Variants in FANCB observed in about 807,000 individuals in gnomAD.
FANCB encodes the protein Fanconi anemia group B protein.
Under a neutral mutation model 38.9 loss-of-function variants are expected in FANCB, and 5 were observed. That is an observed-to-expected ratio of 0.13 (90% confidence interval 0.07 to 0.27). The LOEUF (loss-of-function observed/expected upper bound fraction) is 0.27. Among genes scored for constraint, FANCB ranks in the 10% least tolerant of loss-of-function variants. The probability of loss-of-function intolerance (pLI) is 1.00; values close to 1 mark genes in which losing one functional copy is unlikely to be tolerated. For synonymous variants in FANCB, 236 were observed against 215.4 expected (o/e 1.10, Z -0.84); for missense variants, 573 against 602.7 (o/e 0.95, Z 0.52).
At chrX:14,797,224 G>A in the FANCB span, among the ~76,000 whole-genome samples, 3 of 111,942 alleles carry the variant, frequency 2.7e-5, no homozygotes, top group Non-Finnish European at 5.6e-5. Flanking sequence ...TCAGATCTTT[G>A]CAAGGTAGGA....
At chrX:14,693,480 T>C in the FANCB span, among the ~76,000 whole-genome samples, 1 of 111,588 alleles carries the variant, frequency 9.0e-6, no homozygotes, top group Non-Finnish European at 1.9e-5. Flanking sequence ...CAAGTTTAAA[T>C]TGACAGATAT....
At chrX:14,834,018 A>G (rs942393983), downstream of FANCB, among the ~76,000 whole-genome samples, 1 of 108,707 alleles carries the variant, frequency 9.2e-6, no homozygotes, top group Non-Finnish European at 1.9e-5. Flanking sequence ...AACGACAACA[A>G]AAAAATCACC....
rs1220308530 is a variant in FANCB, at chrX:14,844,711, C to T, written c.1957G>A (p.Ala653Thr). 13 of 1,209,983 alleles carry T rather than the reference C, an allele frequency of 1.1e-5. No individual in the cohort carries two copies. The highest frequency in any genetic ancestry group is 1.5e-5 in the Non-Finnish European group (13 of 893,938). Reference sequence around the variant, plus strand: ...TGAAAACAAGATTTATGGAATGCTGCAAGAAGTGCAAAAAGATCTTCCATG... The same window carrying T: ...TGAAAACAAGATTTATGGAATGCTGTAAGAAGTGCAAAAAGATCTTCCATG... ...EHMEDLFALLAAFHKSCFQIT... is the reference protein window; with the variant it reads ...EHMEDLFALLTAFHKSCFQIT... Residue 653 changes from alanine (A) to threonine (T), a missense_variant, in exon 9 of 10, where the codon GCA (alanine) becomes ACA (threonine). Physicochemically the swap from Ala to Thr is moderately conservative, Grantham distance 58 (BLOSUM62 0). Transcript: ENST00000650831.
At chrX:14,803,831 A>T in the FANCB span, among the ~76,000 whole-genome samples, 2 of 112,005 alleles carry the variant, frequency 1.8e-5, no homozygotes, top group Admixed American at 1.9e-4. Flanking sequence ...AAGGATATGA[A>T]CAGACACTTC....
rs939684939 is a variant in FANCB at position 14,847,557 on chromosome X, G to T, written c.1497-2271C>A. ...GGAGACAGATACTAGAGAAAGTAAG[G>T]AAGCATCAGTATCTTGAGAATTAAG... On this transcript the variant is annotated intron_variant, in intron 7 of 9. Transcript: ENST00000650831. Among the ~76,000 whole-genome samples the T allele has an allele frequency of 3.6e-5, 4 of 110,100 alleles. No individual in the cohort carries two copies. The Admixed American group carries it at 3.9e-4, about 11-fold the overall frequency.
At chrX:14,745,944 C>T in the FANCB span, among the ~76,000 whole-genome samples, 3,864 of 109,658 alleles carry the variant, frequency 0.035, 141 homozygotes, top group African/African-American at 0.11. Context: ...TCGTGATCTG[C>T]CCACCTTGGC....
chrX:14,770,922 G>T, the FANCB span, among the ~76,000 whole-genome samples: 1 of 111,768 alleles, frequency 8.9e-6, no homozygotes, highest in Non-Finnish European at 1.9e-5. Flanking sequence ...GAAATTTTGG[G>T]TTGGAAATTC....
At chrX:14,736,963 T>A in the FANCB span, among the ~76,000 whole-genome samples, 1 of 110,956 alleles carries the variant, frequency 9.0e-6, no homozygotes, top group Non-Finnish European at 1.9e-5. Context: ...AAGACCATCC[T>A]GGCCAACATG....
At chrX:14,708,910 TG>T in the FANCB span, among the ~76,000 whole-genome samples, 1 of 109,548 alleles carries the variant, frequency 9.1e-6, no homozygotes, top group Non-Finnish European at 1.9e-5. Flanking sequence ...CACTCTAGTC[TG>T]GGCAACAAGA....
At chrX:14,762,730 A>C in the FANCB span, among the ~76,000 whole-genome samples, 1 of 112,022 alleles carries the variant, frequency 8.9e-6, no homozygotes, top group African/African-American at 3.2e-5. Context: ...CCTTTACTTC[A>C]GAAACCAACA....
At chrX:14,751,955 G>A in the FANCB span, among the ~76,000 whole-genome samples, 1 of 111,695 alleles carries the variant, frequency 9.0e-6, no homozygotes, top group Admixed American at 9.5e-5. Context: ...TTCCCTATGG[G>A]CAATCCACTA....
the FANCB span, among the ~76,000 whole-genome samples, chrX:14,719,070 G>A: frequency 9.0e-6 from 1 of 111,684 alleles, no homozygotes; most frequent in African/African-American, 3.3e-5. Context: ...TCCCTCCCAC[G>A]TGCAAAATAT....
At chrX:14,709,712 T>C in the FANCB span, among the ~76,000 whole-genome samples, 2 of 111,880 alleles carry the variant, frequency 1.8e-5, no homozygotes, top group East Asian at 5.6e-4. Flanking sequence ...TCTGGTTCAC[T>C]CTGCTGCTTT....
chrX:14,861,304 GCT>G (rs2092445851), intron 3 of FANCB, among the ~76,000 whole-genome samples: 1 of 112,252 alleles, frequency 8.9e-6, no homozygotes, highest in African/African-American at 3.2e-5. Context: ...TTTAGATTCA[GCT>G]CTGTTTCAAG....
the FANCB span, among the ~76,000 whole-genome samples, chrX:14,804,184 C>T: frequency 8.9e-6 from 1 of 111,928 alleles, no homozygotes; most frequent in African/African-American, 3.3e-5. Context: ...CACATGCACA[C>T]ATATGTTTAT....
chrX:14,717,727 T>C, the FANCB span, among the ~76,000 whole-genome samples: 1 of 98,483 alleles, frequency 1.0e-5, no homozygotes, highest in African/African-American at 3.7e-5. Context: ...AACTGGAAGA[T>C]CCTTCTGTAA....
the FANCB span, among the ~76,000 whole-genome samples, chrX:14,753,260 C>T: frequency 9.0e-6 from 1 of 111,613 alleles, no homozygotes. Flanking sequence ...AAGATCCAAT[C>T]CAGTATGACA....
chrX:14,809,090 T>G, the FANCB span, among the ~76,000 whole-genome samples: 1 of 112,306 alleles, frequency 8.9e-6, no homozygotes. Flanking sequence ...GAATTAATAT[T>G]GTTAAAGTAT....
At chrX:14,759,899 A>G in the FANCB span, among the ~76,000 whole-genome samples, 2 of 111,884 alleles carry the variant, frequency 1.8e-5, no homozygotes, top group African/African-American at 6.5e-5. Context: ...CCTCATATTC[A>G]GCCAAACTAA....
Sources: allele counts gnomAD v4.1 joint callset (sites outside exome capture counted in the v4.1 genomes callset), GRCh38; gene constraint gnomAD v4.1.1; transcripts MANE v1.5; gene names NCBI Gene and HGNC (gene_info 2026-07-23, HGNC 2026-07-21).